Variants in VSX2 observed in about 807,000 individuals in gnomAD.
VSX2 encodes ceh-10 homeo domain containing homolog.
Under a neutral mutation model 32.1 loss-of-function variants are expected in VSX2, and 28 were observed. The observed-to-expected ratio is 0.87, with a 90% CI of 0.65 to 1.20. The LOEUF is 1.20. Ranked by LOEUF, VSX2 falls within the 50% of genes most tolerant of loss-of-function variation. VSX2 has a pLI of 0.00. For synonymous variants in VSX2, 243 were observed against 214.1 expected (o/e 1.14, Z -1.18); for missense variants, 506 against 488.7 (o/e 1.04, Z -0.33).
intron 2 of VSX2, among the ~76,000 whole-genome samples, chr14:74,242,625 T>TC (rs897382093): frequency 6.6e-6 from 1 of 151,982 alleles, no homozygotes; most frequent in Non-Finnish European, 1.5e-5. Context: ...GTCTTTTTTT[T>TC]TTTTTTTTAC....
rs2079316875 is a variant in VSX2 at position 74,262,671 on chromosome 14, T to C, written c.*1752T>C. The C allele has an allele frequency of 6.6e-6, 1 of 152,202 alleles. No homozygotes were observed. The highest frequency in any genetic ancestry group is 1.5e-5 in the Non-Finnish European group (1 of 68,044). 9.4% of individuals were successfully genotyped at this position (152,202 alleles called of 1,614,324 possible). A position where few individuals can be genotyped will look rare whatever the true frequency, so the allele number is the denominator to read the frequency against. ...TGGAACTGTAATAACTTCTAGGTAT[T>C]CGAAACCTGTGATTTCTGTGCCATT... On this transcript the variant is annotated 3_prime_UTR_variant, in exon 5 of 5. Transcript: ENST00000261980.
At chr14:74,248,333 C>CT (rs1383892941) in intron 3 of VSX2, among the ~76,000 whole-genome samples, 19 of 31,914 alleles carry the variant, frequency 6.0e-4, no homozygotes, top group African/African-American at 1.4e-3. Context: ...TGAGACCAGG[C>CT]TAAAAAAAAA....
At chr14:74,247,284 C>T (rs978869223) in intron 3 of VSX2, among the ~76,000 whole-genome samples, 3 of 152,148 alleles carry the variant, frequency 2.0e-5, no homozygotes, top group Non-Finnish European at 4.4e-5. Flanking sequence ...CTCCTGAGTT[C>T]ACGATGTACA....
intron 3 of VSX2, among the ~76,000 whole-genome samples, chr14:74,253,053 A>AC (rs1722936661): frequency 1.3e-5 from 2 of 151,158 alleles, no homozygotes; most frequent in African/African-American, 4.9e-5. Context: ...CATCTCAAAA[A>AC]AAAAAAAAAA....
intron 3 of VSX2, among the ~76,000 whole-genome samples, chr14:74,250,921 A>C (rs967178809): frequency 6.6e-6 from 1 of 151,534 alleles, no homozygotes; most frequent in African/African-American, 2.4e-5. Flanking sequence ...TGCTGAGATT[A>C]CAGGCGTGAG....
chr14:74,254,337 G>A (rs1212161861), intron 3 of VSX2, among the ~76,000 whole-genome samples: 1 of 152,082 alleles, frequency 6.6e-6, no homozygotes, highest in Non-Finnish European at 1.5e-5. Flanking sequence ...CTTGAACCCA[G>A]GAGGTGGAGG....
chr14:74,256,991 G>T (rs1237671729), intron 3 of VSX2, among the ~76,000 whole-genome samples: 1 of 151,942 alleles, frequency 6.6e-6, no homozygotes, highest in Non-Finnish European at 1.5e-5. Context: ...ATACTTTTAT[G>T]TAGATTAGTC....
rs374813517 is a variant in VSX2, at chr14:74,245,008, C to CAGAGAG, written c.456-141_456-136dup. On this transcript the variant is annotated intron_variant, in intron 2 of 4. Coordinates refer to ENST00000261980, the MANE Select transcript of VSX2 (RefSeq NM_182894.3). ...AGAGAGAGAGAGAGAGAGAGAGAGA[C>CAGAGAG]AGAGAGAGAGAGAGAGAGAGAATTT... Among the ~76,000 whole-genome samples the CAGAGAG allele has an allele frequency of 1.6e-4, 14 of 86,830 alleles. 1 individual carries two copies. Among genetic ancestry groups the CAGAGAG allele is most frequent in the Admixed American group, 3.5e-4 (3 of 8,622 alleles). The allele number at this position is 86,830 out of a possible 152,430, so 57.0% of individuals were successfully genotyped here.
chr14:74,247,723 A>G (rs1808116423), intron 3 of VSX2, among the ~76,000 whole-genome samples: 2 of 152,046 alleles, frequency 1.3e-5, no homozygotes, highest in Admixed American at 1.3e-4. Flanking sequence ...CTGGGGGAGC[A>G]TAGGTGATTT....
At chr14:74,241,358 C>A in intron 2 of VSX2, 92 bp downstream of exon 2, 4 of 1,393,616 alleles carry the variant, frequency 2.9e-6, no homozygotes, top group South Asian at 1.2e-5. Flanking sequence ...CTATTTTCGC[C>A]GACAACGGAT....
At chr14:74,244,899 T>A (rs2079174453) in intron 2 of VSX2, among the ~76,000 whole-genome samples, 4 of 51,160 alleles carry the variant, frequency 7.8e-5, no homozygotes, top group Non-Finnish European at 2.2e-4. Flanking sequence ...TGTGTGTGTG[T>A]GTGTGTGTGT....
At chr14:74,248,359 AAC>A (rs1224374858) in intron 3 of VSX2, among the ~76,000 whole-genome samples, 15 of 124,812 alleles carry the variant, frequency 1.2e-4, no homozygotes, top group East Asian at 4.8e-4. Context: ...AAACAAAAAA[AAC>A]CAAAAACGAG....
At chr14:74,254,758 A>G (rs1042536757) in intron 3 of VSX2, among the ~76,000 whole-genome samples, 4 of 147,714 alleles carry the variant, frequency 2.7e-5, no homozygotes, top group Non-Finnish European at 6.0e-5. Flanking sequence ...TATTTCATGT[A>G]ATCCTCCAAA....
intron 2 of VSX2, among the ~76,000 whole-genome samples, chr14:74,242,505 G>T (rs1453761347): frequency 1.3e-5 from 2 of 151,966 alleles, no homozygotes; most frequent in Admixed American, 6.6e-5. Context: ...CTTCGACTTG[G>T]TTTCTCCGGA....
intron 2 of VSX2, 87 bp downstream of exon 2, chr14:74,241,353 T>A: frequency 6.3e-6 from 9 of 1,437,888 alleles, no homozygotes; most frequent in Non-Finnish European, 8.7e-6. Flanking sequence ...GGACCCTATT[T>A]TCGCCGACAA....
At position 74,260,858 on chromosome 14, in the gene VSX2, C is replaced by T. The variant is rs1352241492; in HGVS notation, c.1025C>T (p.Ala342Val). 7.0e-6 allele frequency: 11 copies of T among 1,568,052 alleles called. No individual in the cohort carries two copies. In the East Asian group the frequency reaches 2.4e-4, roughly 34 times the overall value. Residue 342 changes from alanine (A) to valine (V), a missense_variant, in exon 5 of 5, where the codon GCC becomes GTC. Ala to Val is a moderately conservative substitution (Grantham distance 64). Transcript: ENST00000261980. Reference sequence around the variant, plus strand: ...ACCGAGAAGCCAGAGGAGGAGGAGGCCATGGATGAAGACAGGCCGGCGGAG... The same window carrying T: ...ACCGAGAAGCCAGAGGAGGAGGAGGTCATGGATGAAGACAGGCCGGCGGAG... ...RSTEKPEEEEAMDEDRPAERL... is the reference protein window; with the variant it reads ...RSTEKPEEEEVMDEDRPAERL...
intron 3 of VSX2, among the ~76,000 whole-genome samples, chr14:74,250,645 A>C (rs2079222269): frequency 6.6e-6 from 1 of 152,008 alleles, no homozygotes; most frequent in Non-Finnish European, 1.5e-5. Flanking sequence ...TGGGTGCTTG[A>C]GTAGGGAAGG....
chr14:74,245,373 C>T (rs1051781280), intron 3 of VSX2, 85 bp downstream of exon 3: 187 of 1,568,922 alleles, frequency 1.2e-4, no homozygotes, highest in Admixed American at 1.5e-4. Flanking sequence ...CCCATGACCC[C>T]GCCTCCCAGC....
In VSX2 at chr14:74,260,705, A is replaced by G; in HGVS notation, c.872A>G (p.Asp291Gly). ...DKMEQDERGP[D>G]AQAAISQEEL... ...ATGGAGCAGGACGAGCGGGGCCCCG[A>G]CGCTCAGGCGGCCATCTCCCAGGAG... Residue 291 changes from aspartate to glycine, a missense_variant, in exon 5 of 5, where the codon GAC (aspartate) becomes GGC (glycine). Physicochemically the swap from Asp to Gly is moderately conservative, Grantham distance 94. Coordinates refer to ENST00000261980, the MANE Select transcript of VSX2 (RefSeq NM_182894.3). 1 of 1,593,898 alleles carries G rather than the reference A, an allele frequency of 6.3e-7. No individual in the cohort carries two copies. Among genetic ancestry groups the G allele is most frequent in the South Asian group, 1.1e-5 (1 of 87,760 alleles).
Sources: allele counts gnomAD v4.1 joint callset (sites outside exome capture counted in the v4.1 genomes callset), GRCh38; gene constraint gnomAD v4.1.1; transcripts MANE v1.5; gene names NCBI Gene and HGNC (gene_info 2026-07-23, HGNC 2026-07-21).